Variants in GARIN5B observed in about 807,000 individuals in gnomAD.
GARIN5B encodes golgi associated RAB2 interactor family member 5B.
chr19:55,360,492 C>A, the GARIN5B span, among the ~76,000 whole-genome samples: 6 of 123,710 alleles, frequency 4.9e-5, no homozygotes, highest in Non-Finnish European at 8.7e-5. Flanking sequence ...CCAGGCCCCC[C>A]ACCCCTCCTC....
At chr19:55,357,981 G>A in the GARIN5B span, among the ~76,000 whole-genome samples, 3 of 151,682 alleles carry the variant, frequency 2.0e-5, no homozygotes, top group Middle Eastern at 3.2e-3. Context: ...TTGAACCCAG[G>A]AGGCGGAGGT....
chr19:55,361,211 T>C, the GARIN5B span: 6 of 1,551,160 alleles, frequency 3.9e-6, no homozygotes, highest in South Asian at 1.2e-5. Flanking sequence ...CACCGTCTTA[T>C]GCGGAAAGTT....
At chr19:55,358,148 G>A in the GARIN5B span, 10 of 1,478,590 alleles carry the variant, frequency 6.8e-6, no homozygotes, top group African/African-American at 8.5e-5. Context: ...CCGCTACCTG[G>A]GCAGAAGGTT....
the GARIN5B span, chr19:55,362,418 A>G: frequency 6.4e-7 from 1 of 1,550,496 alleles, no homozygotes. Context: ...GCCAGGTAGT[A>G]CTGGCGGCCC....
chr19:55,359,702 C>G, the GARIN5B span: 504 of 1,551,500 alleles, frequency 3.2e-4, 7 homozygotes, highest in South Asian at 5.3e-3. Context: ...CTGGTGGGAG[C>G]CCATAGGCCC....
At chr19:55,359,192 T>C in the GARIN5B span, 1 of 1,551,432 alleles carries the variant, frequency 6.4e-7, no homozygotes, top group Non-Finnish European at 8.7e-7. Flanking sequence ...GCCAGGGAGC[T>C]TCCCCCGTGA....
the GARIN5B span, chr19:55,359,747 G>C: frequency 1.3e-6 from 2 of 1,551,440 alleles, no homozygotes; most frequent in East Asian, 2.4e-5. Flanking sequence ...GGAAGAGTAG[G>C]GTGTGGAGAG....
chr19:55,360,831 G>C, the GARIN5B span: 1 of 1,548,024 alleles, frequency 6.5e-7, no homozygotes. Flanking sequence ...CTGTGGCAAG[G>C]GGTGGGGTGG....
At chr19:55,362,974 C>T in the GARIN5B span, 1 of 1,490,130 alleles carries the variant, frequency 6.7e-7, no homozygotes, top group Middle Eastern at 1.8e-4. Context: ...ACTCGCCCTT[C>T]TGGAGGGTCT....
chr19:55,361,642 GGGCCCCAGCCTCTCCTCCC>G, the GARIN5B span, among the ~76,000 whole-genome samples: 1 of 12,988 alleles, frequency 7.7e-5, no homozygotes, highest in African/African-American at 1.8e-4. Context: ...CAGGAGTCCA[GGGCCCCAGCCTCTCCTCCC>G]TTGACTCAGG....
chr19:55,362,296 G>T, the GARIN5B span: 4 of 1,549,434 alleles, frequency 2.6e-6, no homozygotes, highest in Non-Finnish European at 3.5e-6. Flanking sequence ...TATCCAGGGG[G>T]GCCGTGCGCG....
the GARIN5B span, chr19:55,363,058 C>A: frequency 2.0e-6 from 3 of 1,497,484 alleles, no homozygotes; most frequent in Non-Finnish European, 2.7e-6. This position sits in a 1 kb window ranked among gnomAD's most constrained non-coding sequence, Gnocchi z 4.0. Context: ...TGTTTCGAAG[C>A]CAGATCATGG....
chr19:55,362,568 G>C, the GARIN5B span: 1 of 1,535,436 alleles, frequency 6.5e-7, no homozygotes, highest in Non-Finnish European at 8.8e-7. Context: ...GGGGTTGGGG[G>C]ATGCGGCACC....
the GARIN5B span, chr19:55,362,733 C>G: frequency 6.5e-7 from 1 of 1,528,764 alleles, no homozygotes; most frequent in Non-Finnish European, 8.8e-7. Context: ...GATGGGTCAC[C>G]TGGGGCAGCC....
At chr19:55,360,002 G>C in the GARIN5B span, 1 of 1,523,044 alleles carries the variant, frequency 6.6e-7, no homozygotes, top group Non-Finnish European at 8.8e-7. Flanking sequence ...AGAGGGGAGA[G>C]GATACATGGT....
the GARIN5B span, chr19:55,362,944 C>T: frequency 6.6e-7 from 1 of 1,505,196 alleles, no homozygotes; most frequent in Middle Eastern, 1.7e-4. Context: ...CGAACATGGG[C>T]AGCGGACGGA....
At chr19:55,356,435 C>CG in the GARIN5B span, among the ~76,000 whole-genome samples, 1 of 151,698 alleles carries the variant, frequency 6.6e-6, no homozygotes, top group African/African-American at 2.4e-5. Context: ...TGCAGTGGCA[C>CG]GATCTCAGCT....
the GARIN5B span, chr19:55,361,167 G>T: frequency 2.6e-6 from 4 of 1,551,268 alleles, no homozygotes; most frequent in Non-Finnish European, 3.5e-6. Flanking sequence ...CCACCCCGCC[G>T]GCTCACCTTG....
chr19:55,359,778 G>T, the GARIN5B span: 1 of 1,551,426 alleles, frequency 6.4e-7, no homozygotes. Flanking sequence ...GGGGGATAGG[G>T]AGCCAGACCG....
Sources: gnomAD v4.1 joint callset for allele counts (sites outside exome capture counted in the v4.1 genomes callset) on GRCh38, gnomAD v4.1.1 for gene constraint, Gnocchi (gnomAD v3.1) non-coding constraint, MANE v1.5 for transcripts, NCBI Gene and HGNC (gene_info 2026-07-23, HGNC 2026-07-21) for gene names.